Variants in CCP110 observed in about 807,000 individuals in gnomAD.
The protein encoded by CCP110 is centriolar coiled-coil protein 110.
In CCP110, 43 loss-of-function variants were observed where a neutral mutation model predicts 105.5. The observed-to-expected ratio is 0.41, with a 90% CI of 0.32 to 0.53. The LOEUF (loss-of-function observed/expected upper bound fraction) is 0.53, where lower values mean the gene tolerates loss of function less well. Ranked by LOEUF, CCP110 falls within the 20% of genes least tolerant of loss-of-function variation. The pLI, the probability that CCP110 is intolerant of heterozygous loss-of-function variation, is 0.32. For missense variants in CCP110, 1,016 were observed against 1,189.1 expected (o/e 0.85, Z 2.14); for synonymous variants, 353 against 392.1 (o/e 0.90, Z 1.18).
At chr16:19,526,102 A>G (rs1360363642) in intron 1 of CCP110, 1 of 152,256 alleles carries the variant, frequency 6.6e-6, no homozygotes, top group Non-Finnish European at 1.5e-5. Context: ...TGTAATAATA[A>G]TATAGTACTA....
intron 4 of CCP110, among the ~76,000 whole-genome samples, chr16:19,538,576 C>T (rs902513713): frequency 1.3e-5 from 2 of 151,682 alleles, no homozygotes; most frequent in East Asian, 3.9e-4. Flanking sequence ...TCCCAAAGTG[C>T]TGGAATTACA....
chr16:19,550,254 C>G (rs1970593488), intron 14 of CCP110, among the ~76,000 whole-genome samples: 1 of 151,646 alleles, frequency 6.6e-6, no homozygotes, highest in Non-Finnish European at 1.5e-5. Context: ...TGGGTTCAAG[C>G]CATTCTTCTG....
chr16:19,544,763 A>T, intron 8 of CCP110, 34 bp from the exon 9 acceptor site: 1 of 1,115,646 alleles, frequency 9.0e-7, no homozygotes, highest in Non-Finnish European at 1.3e-6. Context: ...ATCTTTCTAG[A>T]AAAATGTTTT....
intron 1 of CCP110, 53 bp from the exon 2 acceptor site, chr16:19,527,814 A>G (rs1969725245): frequency 1.4e-6 from 2 of 1,468,780 alleles, no homozygotes; most frequent in African/African-American, 1.4e-5. Flanking sequence ...CTGCCAAATA[A>G]TTAAGATCTG....
At chr16:19,541,370 C>T (rs1041389169) in intron 5 of CCP110, among the ~76,000 whole-genome samples, 12 of 152,120 alleles carry the variant, frequency 7.9e-5, no homozygotes, top group South Asian at 2.1e-4. Flanking sequence ...TGGTGGCTCA[C>T]GCCTGTAATC....
exon 4 of CCP110, chr16:19,537,289 A>G: frequency 1.2e-6 from 2 of 1,614,206 alleles, no homozygotes; most frequent in Non-Finnish European, 1.7e-6. Context: ...TGCAAACAGA[A>G]CTGAATAAGT....
At chr16:19,538,548 G>C (rs1429497419) in intron 4 of CCP110, among the ~76,000 whole-genome samples, 1 of 151,358 alleles carries the variant, frequency 6.6e-6, no homozygotes, top group African/African-American at 2.4e-5. Context: ...GGCCTCAAGC[G>C]ATCCACCCGC....
chr16:19,541,769 A>T, intron 5 of CCP110, 118 bp from the exon 6 acceptor site: 1 of 501,488 alleles, frequency 2.0e-6, no homozygotes, highest in Non-Finnish European at 3.4e-6. Flanking sequence ...AGGAAGAAAA[A>T]CTTGAAATAA....
chr16:19,547,862 A>G, intron 12 of CCP110, 93 bp from the exon 13 acceptor site: 1 of 876,914 alleles, frequency 1.1e-6, no homozygotes, highest in Non-Finnish European at 1.9e-6. Context: ...GTTGACCTTT[A>G]CCTTACAGTC....
chr16:19,549,242 C>T (rs1176596438), intron 14 of CCP110, among the ~76,000 whole-genome samples: 1 of 152,218 alleles, frequency 6.6e-6, no homozygotes, highest in African/African-American at 2.4e-5. Flanking sequence ...TTTGATTAAG[C>T]TCACTTAAAA....
chr16:19,529,987 C>T (rs1969804530), intron 2 of CCP110, among the ~76,000 whole-genome samples: 1 of 151,748 alleles, frequency 6.6e-6, no homozygotes, highest in African/African-American at 2.4e-5. Flanking sequence ...GCTTGATCCC[C>T]AGAGTTTGAG....
chr16:19,546,388 G>C, intron 11 of CCP110, 24 bp from the exon 12 acceptor site: 2 of 1,349,974 alleles, frequency 1.5e-6, no homozygotes, highest in Non-Finnish European at 2.1e-6. Context: ...AATACATTAT[G>C]TCCTTATTTT....
intron 1 of CCP110, chr16:19,526,090 G>A (rs988663969): frequency 6.6e-6 from 1 of 152,146 alleles, no homozygotes; most frequent in African/African-American, 2.4e-5. Context: ...GCTGTGTTGT[G>A]CTGTAATAAT....
intron 2 of CCP110, among the ~76,000 whole-genome samples, chr16:19,530,775 G>A (rs1022132808): frequency 1.1e-4 from 17 of 152,040 alleles, no homozygotes; most frequent in African/African-American, 3.1e-4. Context: ...CCAACATGGC[G>A]AAACCCCTTG....
chr16:19,527,785 C>G (rs1745167355), intron 1 of CCP110, 82 bp from the exon 2 acceptor site: 2 of 1,113,612 alleles, frequency 1.8e-6, no homozygotes, highest in Non-Finnish European at 2.5e-6. Context: ...TATAGGGACT[C>G]TCTCATGCTC....
chr16:19,547,414 A>C (rs1970499620), intron 12 of CCP110: 1 of 152,732 alleles, frequency 6.5e-6, no homozygotes, highest in Non-Finnish European at 1.5e-5. Flanking sequence ...GTCCGTCTCA[A>C]AAAAAAGCTA....
rs766363666 is a variant in CCP110, at chr16:19,548,032, G to A, written c.2900+18G>A. 17 of 1,564,152 alleles carry A rather than the reference G, an allele frequency of 1.1e-5. No individual in the cohort carries two copies. Among genetic ancestry groups the A allele is most frequent in the East Asian group, 4.5e-5 (2 of 44,594 alleles). ...AGACAAGGGTAAGAATGCCACACAC[G>A]GGTATTGAAAACTACGGAAACCAAG... On this transcript the variant is annotated intron_variant, in intron 13 of 14. Transcript: ENST00000381396. This position sits in a 1 kb window ranked among gnomAD's most constrained non-coding sequence, Gnocchi z 4.1.
At chr16:19,545,990 T>G in intron 11 of CCP110, 100 bp downstream of exon 11, 1 of 695,928 alleles carries the variant, frequency 1.4e-6, no homozygotes, top group Non-Finnish European at 2.5e-6. Context: ...AAGAGTTAAT[T>G]TTTCTGCAGT....
intron 8 of CCP110, among the ~76,000 whole-genome samples, 182 bp from the exon 9 acceptor site, chr16:19,544,615 T>C (rs1259671025): frequency 2.0e-5 from 3 of 152,216 alleles, no homozygotes; most frequent in Non-Finnish European, 4.4e-5. Context: ...CAGATAACTA[T>C]TTTATATAAG....
Sources: gnomAD v4.1 joint callset for allele counts (sites outside exome capture counted in the v4.1 genomes callset) on GRCh38, gnomAD v4.1.1 for gene constraint, Gnocchi (gnomAD v3.1) non-coding constraint, MANE v1.5 for transcripts, NCBI Gene and HGNC (gene_info 2026-07-23, HGNC 2026-07-21) for gene names.